Variants in GALNT11 observed in about 807,000 individuals in gnomAD.
GALNT11 encodes UDP-GalNAc:polypeptide N-acetylgalactosaminyltransferase 11.
GALNT11 carries 47 observed loss-of-function variants against 72.7 expected under a neutral mutation model. The observed-to-expected ratio is 0.65, with a 90% CI of 0.51 to 0.82. The LOEUF is 0.82. Among genes scored for constraint, GALNT11 ranks in the 40% least tolerant of loss-of-function variants. The probability of loss-of-function intolerance (pLI) is 0.00; values close to 1 mark genes in which losing one functional copy is unlikely to be tolerated. For synonymous variants in GALNT11, 270 were observed against 286.6 expected (o/e 0.94, Z 0.58); for missense variants, 677 against 778.4 (o/e 0.87, Z 1.55).
rs756611484 is a variant in GALNT11 at position 152,113,238 on chromosome 7, C to G, written c.1081-8C>G. ...CAACTGTTAACACCTGTTTTTGCTTCTGGCCAGATCTGGATGTGTGGCGGT... is the reference window on the plus strand; with the variant it reads ...CAACTGTTAACACCTGTTTTTGCTTGTGGCCAGATCTGGATGTGTGGCGGT... On this transcript the variant is annotated splice_polypyrimidine_tract_variant and splice_region_variant and intron_variant, in intron 7 of 11. Transcript: ENST00000430044. The G allele has an allele frequency of 6.9e-6, 11 of 1,598,518 alleles. No homozygotes were observed. Among genetic ancestry groups the G allele is most frequent in the Non-Finnish European group, 9.4e-6 (11 of 1,173,840 alleles).
rs2088076687 is a variant in GALNT11, at chr7:152,110,614, G to C, written c.1049G>C (p.Trp350Ser). ...CAGTATGATAGTGGCATGGATATCT[G>C]GGGAGGAGAAAATTTGGAAATATCA... ...LGQYDSGMDI[W>S]GGENLEISFR... is the part of the protein sequence containing the mutation. The change falls in exon 7 of 12, where the codon TGG (tryptophan) becomes TCG (serine). Residue 350 changes from tryptophan (W) to serine (S), a missense_variant. Physicochemically the swap from Trp to Ser is radical, Grantham distance 177. Coordinates refer to ENST00000430044, the MANE Select transcript of GALNT11 (RefSeq NM_022087.4). The C allele has an allele frequency of 6.2e-7, 1 of 1,611,966 alleles. No individual in the cohort carries two copies. The highest frequency in any genetic ancestry group is 1.7e-5 in the Admixed American group (1 of 59,538).
intron 1 of GALNT11, among the ~76,000 whole-genome samples, chr7:152,041,925 TG>T (rs1182304873): frequency 1.3e-5 from 2 of 152,238 alleles, no homozygotes; most frequent in African/African-American, 4.8e-5. Flanking sequence ...TGTCAGGAGC[TG>T]TAATTAAGCC....
intron 1 of GALNT11, among the ~76,000 whole-genome samples, chr7:152,057,012 T>A (rs1191336663): frequency 1.3e-5 from 2 of 148,974 alleles, no homozygotes; most frequent in African/African-American, 4.9e-5. Flanking sequence ...CTATTTTTTT[T>A]TTTTTTTTTT....
chr7:152,073,204 G>A (rs898960352), intron 1 of GALNT11, among the ~76,000 whole-genome samples: 1 of 152,106 alleles, frequency 6.6e-6, no homozygotes, highest in East Asian at 1.9e-4. Flanking sequence ...ATATGTTATT[G>A]TTAACTATAG....
At chr7:152,071,583 A>G (rs1587153434) in intron 1 of GALNT11, among the ~76,000 whole-genome samples, 1 of 152,300 alleles carries the variant, frequency 6.6e-6, no homozygotes, top group African/African-American at 2.4e-5. Flanking sequence ...GGCAACATAC[A>G]TCTTCCTCAG....
At position 152,122,174 on chromosome 7, in the gene GALNT11, AC is replaced by A. The variant is rs2089470673; in HGVS notation, c.*498del. The A allele has an allele frequency of 6.6e-6, 1 of 151,918 alleles. No individual in the cohort carries two copies. Among genetic ancestry groups the A allele is most frequent in the African/African-American group, 2.4e-5 (1 of 41,214 alleles). The allele number at this position is 151,918 out of a possible 1,614,324, so 9.4% of individuals were successfully genotyped here. A position where few individuals can be genotyped will look rare whatever the true frequency, so the allele number is the denominator to read the frequency against. On this transcript the variant is annotated 3_prime_UTR_variant, in exon 12 of 12. Transcript: ENST00000430044. ...AGATAGTGCTTTAAAAAAAAAAAAAACTTCTATTATTTGTTTAGTATGTTGT... is the reference window on the plus strand; with the variant it reads ...AGATAGTGCTTTAAAAAAAAAAAAAATTCTATTATTTGTTTAGTATGTTGT...
At position 152,044,354 on chromosome 7, in the gene GALNT11, C is replaced by A. The variant is rs185395535; in HGVS notation, c.-39+18470C>A. On this transcript the variant is annotated intron_variant, in intron 1 of 11. Transcript: ENST00000430044. Reference sequence around the variant, plus strand: ...CATGCTATTGTTTGTGGTTTAAGAACACCTTAAGGGGTTTTCCACCCTGGG... The same window carrying A: ...CATGCTATTGTTTGTGGTTTAAGAAAACCTTAAGGGGTTTTCCACCCTGGG... Among the ~76,000 whole-genome samples the A allele has an allele frequency of 4.5e-3, 688 of 152,288 alleles. 1 individual carries two copies. Among genetic ancestry groups the A allele is most frequent in the Non-Finnish European group, 6.9e-3 (470 of 68,028 alleles).
At chr7:152,070,692 G>A (rs62481475) in intron 1 of GALNT11, among the ~76,000 whole-genome samples, 17 of 152,232 alleles carry the variant, frequency 1.1e-4, no homozygotes, top group Non-Finnish European at 1.8e-4. Context: ...GTATTTTAAC[G>A]TCATCTGAGT....
At chr7:152,067,775 C>T (rs7785768) in intron 1 of GALNT11, among the ~76,000 whole-genome samples, 7,704 of 152,092 alleles carry the variant, frequency 0.051, 339 homozygotes, top group East Asian at 0.2. Flanking sequence ...AAAGAAATAC[C>T]AGAGACTGGG....
intron 10 of GALNT11, chr7:152,119,210 A>G (rs532589924): frequency 6.5e-6 from 1 of 152,812 alleles, no homozygotes; most frequent in East Asian, 1.9e-4. Flanking sequence ...AGAAATGGCC[A>G]AGGGAAGCAC....
chr7:152,032,552 T>G (rs2082355264), intron 1 of GALNT11, among the ~76,000 whole-genome samples: 1 of 152,234 alleles, frequency 6.6e-6, no homozygotes, highest in Non-Finnish European at 1.5e-5. Context: ...ACTGCTGCAT[T>G]TCTTTACTAA....
intron 1 of GALNT11, among the ~76,000 whole-genome samples, chr7:152,037,930 G>A (rs186192378): frequency 2.4e-4 from 36 of 151,844 alleles, no homozygotes; most frequent in Non-Finnish European, 3.4e-4. Context: ...CACCACACCC[G>A]GCTAATTTTT....
Position 152,094,468 on chromosome 7 carries a change from G to C in GALNT11, c.241G>C (p.Asp81His). ...FKANKIDDVI[D>H]SRVEDPEEGH... The stretch of plus-strand genomic sequence containing the variant: ...AGCAAACAAAATTGACGATGTGATA[G>C]ACAGTCGTGTTGAAGATCCAGAAGA... Residue 81 changes from aspartate to histidine, a missense_variant, in exon 2 of 12, where the codon GAC becomes CAC. By Grantham distance (81) the Asp-to-His change is moderately conservative (BLOSUM62 -1). Coordinates refer to ENST00000430044, the MANE Select transcript of GALNT11 (RefSeq NM_022087.4). This position sits in a 1 kb window ranked among gnomAD's most constrained non-coding sequence, Gnocchi z 4.3. The C allele has an allele frequency of 6.2e-7, 1 of 1,614,082 alleles. No individual in the cohort carries two copies. Among genetic ancestry groups the C allele is most frequent in the Non-Finnish European group, 8.5e-7 (1 of 1,179,976 alleles).
intron 3 of GALNT11, 88 bp from the exon 4 acceptor site, chr7:152,103,024 A>C: frequency 8.0e-7 from 1 of 1,255,446 alleles, no homozygotes; most frequent in African/African-American, 1.5e-5. Context: ...GAGGGTGAAC[A>C]AGGGGACAGT....
At chr7:152,054,483 T>C (rs940918983) in intron 1 of GALNT11, among the ~76,000 whole-genome samples, 2 of 151,190 alleles carry the variant, frequency 1.3e-5, no homozygotes, top group Admixed American at 1.3e-4. Flanking sequence ...GTTTATAGTT[T>C]TAATGAATTT....
At position 152,100,936 on chromosome 7, in the gene GALNT11, G is replaced by C; in HGVS notation, c.419+15G>C. ...AGGAATGCAGCGTATGTGCCTTATC[G>C]GATTTGCAAATACATTTTAACAACA... is the stretch of plus-strand genomic sequence containing the variant. On this transcript the variant is annotated intron_variant, in intron 3 of 11. Coordinates refer to ENST00000430044, the MANE Select transcript of GALNT11 (RefSeq NM_022087.4). 6.2e-7 allele frequency: 1 copy of C among 1,611,660 alleles called. No homozygotes were observed. The highest frequency in any genetic ancestry group is 8.5e-7 in the Non-Finnish European group (1 of 1,178,890).
intron 1 of GALNT11, among the ~76,000 whole-genome samples, chr7:152,047,328 G>C (rs1325238054): frequency 1.3e-5 from 2 of 152,018 alleles, no homozygotes; most frequent in Non-Finnish European, 2.9e-5. Context: ...AAAATTAGCT[G>C]GGTGTGGTGC....
chr7:152,041,126 G>A (rs558110214), intron 1 of GALNT11, among the ~76,000 whole-genome samples: 79 of 152,284 alleles, frequency 5.2e-4, no homozygotes, highest in Middle Eastern at 3.4e-3. Flanking sequence ...TTGGCATCTG[G>A]CTTATGATAA....
At chr7:152,090,615 A>C (rs1334904974) in intron 1 of GALNT11, among the ~76,000 whole-genome samples, 1 of 151,512 alleles carries the variant, frequency 6.6e-6, no homozygotes. Flanking sequence ...CACTGGTCGC[A>C]CTCCTCAAGA....
Sources: allele counts gnomAD v4.1 joint callset (sites outside exome capture counted in the v4.1 genomes callset), GRCh38; gene constraint gnomAD v4.1.1; non-coding constraint Gnocchi (gnomAD v3.1); transcripts MANE v1.5; gene names NCBI Gene and HGNC (gene_info 2026-07-23, HGNC 2026-07-21).